Variants in CES1 observed in about 807,000 individuals in gnomAD.
CES1 encodes liver carboxylesterase 1.
CES1 carries 50 observed loss-of-function variants against 53.0 expected under a neutral mutation model. The ratio of observed to expected loss-of-function variants is 0.94; its 90% CI spans 0.75 to 1.19. The LOEUF is 1.19. Ranked by LOEUF, CES1 falls within the 50% of genes most tolerant of loss-of-function variation. CES1 has a pLI of 0.00. For synonymous variants in CES1, 202 were observed against 210.1 expected (o/e 0.96, Z 0.33); for missense variants, 534 against 538.0 (o/e 0.99, Z 0.07).
intron 1 of CES1, among the ~76,000 whole-genome samples, chr16:55,832,698 C>T (rs1289726875): frequency 6.6e-6 from 1 of 152,234 alleles, no homozygotes; most frequent in Non-Finnish European, 1.5e-5. Context: ...CGTAAGGGGA[C>T]TAATTAAGGG....
intron 8 of CES1, among the ~76,000 whole-genome samples, chr16:55,816,167 C>T (rs1181225676): frequency 1.3e-5 from 2 of 152,284 alleles, no homozygotes; most frequent in Admixed American, 6.5e-5. Context: ...TGCTGCACAC[C>T]ATCAAACGGA....
At chr16:55,816,893 A>T in intron 8 of CES1, 31 bp downstream of exon 8, 1 of 1,611,922 alleles carries the variant, frequency 6.2e-7, no homozygotes, top group Non-Finnish European at 8.5e-7. Context: ...TAAGACTCAA[A>T]ACCCGTAATC....
At chr16:55,809,235 G>T (rs1328929442) in intron 11 of CES1, among the ~76,000 whole-genome samples, 1 of 152,166 alleles carries the variant, frequency 6.6e-6, no homozygotes, top group Admixed American at 6.5e-5. Context: ...GCAAGGGCAA[G>T]TTTAAGAAAG....
In CES1 at chr16:55,828,939, C is replaced by T. The variant is rs567541939; in HGVS notation, c.88G>A (p.Val30Met). The change falls in exon 2 of 14, where the codon GTG becomes ATG. Residue 30 changes from valine (V) to methionine (M), a missense_variant. Transcript: ENST00000360526. ...AACTTCCCCAGCACTTTGCCATGCA[C>T]GGTGTCCACCACAGGTGGCGAGGAC... ...HPSSPPVVDT[V>M]HGKVLGKFVS... The T allele has an allele frequency of 1.6e-5, 26 of 1,613,310 alleles. No individual in the cohort carries two copies. The highest frequency in any genetic ancestry group is 1.7e-4 in the Middle Eastern group (1 of 6,060).
intron 1 of CES1, among the ~76,000 whole-genome samples, chr16:55,830,324 T>C (rs112186349): frequency 2.0e-5 from 3 of 152,206 alleles, no homozygotes; most frequent in East Asian, 1.9e-4. Flanking sequence ...TGGAAGCATG[T>C]TTATCGACAT....
chr16:55,818,579 T>C (rs1343796948), intron 7 of CES1, among the ~76,000 whole-genome samples: 2 of 152,040 alleles, frequency 1.3e-5, no homozygotes, highest in African/African-American at 2.4e-5. Flanking sequence ...CTGTGAAGCA[T>C]CCCTGATTAC....
chr16:55,821,307 C>T (rs1182977089), intron 5 of CES1, 61 bp downstream of exon 5: 4 of 1,603,108 alleles, frequency 2.5e-6, no homozygotes, highest in Non-Finnish European at 3.4e-6. Flanking sequence ...GACAGGTGTC[C>T]AAGAGGTCTC....
intron 1 of CES1, among the ~76,000 whole-genome samples, chr16:55,829,258 A>G (rs750540333): frequency 3.9e-5 from 6 of 152,252 alleles, no homozygotes; most frequent in Admixed American, 1.3e-4. Flanking sequence ...CTTCCCCCTT[A>G]GAAGTCTCTG....
At chr16:55,810,450 A>G in intron 11 of CES1, 67 bp downstream of exon 11, 3 of 1,591,562 alleles carry the variant, frequency 1.9e-6, no homozygotes, top group Non-Finnish European at 2.6e-6. Flanking sequence ...CTATGCTGGG[A>G]GGTAGGTGGG....
At chr16:55,822,653 G>A (rs185228271) in intron 4 of CES1, among the ~76,000 whole-genome samples, 1 of 152,204 alleles carries the variant, frequency 6.6e-6, no homozygotes, top group East Asian at 1.9e-4. Context: ...GCTGGAAACA[G>A]GGGCTCTGGC....
At chr16:55,828,713 C>G in intron 2 of CES1, 54 bp downstream of exon 2, 6 of 1,610,228 alleles carry the variant, frequency 3.7e-6, no homozygotes, top group Non-Finnish European at 4.2e-6. Context: ...TGCCTTGACT[C>G]CTTCCTGCAT....
chr16:55,820,546 C>T, intron 5 of CES1, 67 bp from the exon 6 acceptor site: 9 of 1,610,638 alleles, frequency 5.6e-6, no homozygotes, highest in South Asian at 1.1e-5. Context: ...ACTCGCTATT[C>T]CAGGCTAGAT....
Position 55,810,581 on chromosome 16 carries a change from G to C in CES1, c.1254C>G (p.Phe418Leu), listed in dbSNP as rs747893163. Reference sequence around the variant, plus strand: ...ACATCACATCTGCTATCAAGTCCAGGAACAGGTCTTTCTTTTTGACAGTGT... The same window carrying C: ...ACATCACATCTGCTATCAAGTCCAGCAACAGGTCTTTCTTTTTGACAGTGT... The part of the protein sequence containing the change: ...TDDTVKKKDL[F>L]LDLIADVMFG... The change falls in exon 11 of 14, where the codon TTC becomes TTG. Residue 418 changes from phenylalanine (F) to leucine (L), a missense_variant. Coordinates refer to ENST00000360526, the MANE Select transcript of CES1 (RefSeq NM_001025195.2). The C allele has an allele frequency of 6.2e-7, 1 of 1,614,118 alleles. No homozygotes were observed. The highest frequency in any genetic ancestry group is 8.5e-7 in the Non-Finnish European group (1 of 1,180,016).
rs1292005324 is a variant in CES1, at chr16:55,813,030, AG to A, written c.958del (p.Leu320TrpfsTer4). On this transcript the variant is annotated frameshift_variant, in exon 9 of 14. Coordinates refer to ENST00000360526, the MANE Select transcript of CES1 (RefSeq NM_001025195.2). LOFTEE classifies it high-confidence loss of function. ...QGDPRESQPLLGTVIDGMLLL... is the reference protein window; with the variant it reads ...QGDPRESQPLXGTVIDGMLLL... Reference sequence around the variant, plus strand: ...CAGCATCCCATCAATCACAGTGCCCAGAAGGGGTTGACTCTGGGGAGAGAGC... The same window carrying A: ...CAGCATCCCATCAATCACAGTGCCCAAAGGGGTTGACTCTGGGGAGAGAGC... 1 of 1,613,988 alleles carries A rather than the reference AG, an allele frequency of 6.2e-7. No homozygotes were observed. Among genetic ancestry groups the A allele is most frequent in the Non-Finnish European group, 8.5e-7 (1 of 1,179,904 alleles).
chr16:55,824,065 C>T (rs1185979793), intron 3 of CES1, among the ~76,000 whole-genome samples: 6 of 152,254 alleles, frequency 3.9e-5, no homozygotes, highest in African/African-American at 1.4e-4. Flanking sequence ...ATGGGGCAGC[C>T]CTTGTATCTC....
chr16:55,826,284 T>C lies in CES1; in HGVS notation c.272A>G (p.Asp91Gly), dbSNP rs1182392046. The C allele has an allele frequency of 6.2e-7, 1 of 1,613,958 alleles. No homozygotes were observed. Among genetic ancestry groups the C allele is most frequent in the South Asian group, 1.1e-5 (1 of 91,074 alleles). The change falls in exon 3 of 14, where the codon GAT (aspartate) becomes GGT (glycine). Residue 91 changes from aspartate to glycine, a missense_variant. Around this residue, in one of 5 missense-constraint regions of CES1, gnomAD observed 164 missense variants for 162.4 expected, o/e 1.01. Transcript: ENST00000360526. The part of the protein sequence containing the change: ...ATSYPPMCTQ[D>G]PKAGQLLSEL... ...TGAGAGTAACTGCCCCGCCTTGGGA[T>C]CTTGGGTGCACCTGGGGAGGGGGAA...
intron 7 of CES1, among the ~76,000 whole-genome samples, chr16:55,818,427 T>TATC (rs1156394040): frequency 2.0e-5 from 3 of 152,224 alleles, no homozygotes; most frequent in African/African-American, 7.2e-5. Flanking sequence ...TTACAAAATT[T>TATC]ATCTGTCTTT....
chr16:55,821,334 G>A, intron 5 of CES1, 34 bp downstream of exon 5: 1 of 1,613,930 alleles, frequency 6.2e-7, no homozygotes, highest in Non-Finnish European at 8.5e-7. Context: ...ATCACATCAA[G>A]CGTGGGGTTG....
chr16:55,811,932 A>G (rs544054879), intron 9 of CES1, among the ~76,000 whole-genome samples: 4 of 152,264 alleles, frequency 2.6e-5, no homozygotes, highest in South Asian at 4.1e-4. Context: ...TTCCTGTCCT[A>G]AAGATAAGAG....
Sources: gnomAD v4.1 joint callset for allele counts (sites outside exome capture counted in the v4.1 genomes callset) on GRCh38, gnomAD v4.1.1 for gene constraint, gnomAD v4.1.1 regional missense constraint, MANE v1.5 for transcripts, NCBI Gene and HGNC (gene_info 2026-07-23, HGNC 2026-07-21) for gene names.